Variants in SGK1 observed in about 807,000 individuals in gnomAD.
SGK1 encodes serum/glucocorticoid regulated kinase 1, also known as serine/threonine-protein kinase Sgk1.
In SGK1, 26 loss-of-function variants were observed where a neutral mutation model predicts 64.2. The ratio of observed to expected loss-of-function variants is 0.40; its 90% CI spans 0.30 to 0.56. The LOEUF is 0.56. SGK1 is among the 20% of genes least tolerant of loss of function. The pLI, the probability that SGK1 is intolerant of heterozygous loss-of-function variation, is 0.38. For missense variants in SGK1, 519 were observed against 645.6 expected (o/e 0.80, Z 2.12); for synonymous variants, 265 against 239.7 (o/e 1.11, Z -0.98).
intron 3 of SGK1, among the ~76,000 whole-genome samples, chr6:134,199,758 T>C (rs1743955): frequency 0.52 from 78,167 of 151,748 alleles, 21,346 homozygotes; most frequent in Non-Finnish European, 0.61. Flanking sequence ...CAGTAATGAT[T>C]CTTGCTCTTT....
At position 134,297,816 on chromosome 6, in the gene SGK1, G is replaced by C. The variant is rs930353088; in HGVS notation, c.69+19576C>G. 1.2e-5 allele frequency: 8 copies of C among 665,444 alleles called. No homozygotes were observed. In the East Asian group the frequency reaches 2.2e-4, roughly 18 times the overall value. The allele number at this position is 665,444 out of a possible 1,614,324, so 41.2% of individuals were successfully genotyped here. On this transcript the variant is annotated intron_variant, in intron 1 of 13. Transcript: ENST00000367858. ...GCGCCCGGCCTAGATCTCAGTCTTT[G>C]TATGCTGCAGGTCATCCCCGTGCTT...
At chr6:134,244,123 C>T (rs1256794190) in intron 2 of SGK1, among the ~76,000 whole-genome samples, 1 of 151,986 alleles carries the variant, frequency 6.6e-6, no homozygotes, top group East Asian at 1.9e-4. Flanking sequence ...GCCATCCCTC[C>T]CACCCCACCC....
intron 3 of SGK1, among the ~76,000 whole-genome samples, chr6:134,199,129 G>A (rs1582705075): frequency 6.6e-6 from 1 of 152,076 alleles, no homozygotes; most frequent in South Asian, 2.1e-4. Context: ...ACACAAAGAC[G>A]GAAACAACAG....
intron 13 of SGK1, 145 bp from the exon 14 acceptor site, chr6:134,170,580 T>A: frequency 2.7e-6 from 2 of 752,338 alleles, no homozygotes; most frequent in Non-Finnish European, 2.2e-6. Context: ...CTCAAAAGGC[T>A]ACACACAGTT....
At chr6:134,206,869 G>GA (rs554857623) in intron 3 of SGK1, among the ~76,000 whole-genome samples, 5,303 of 81,570 alleles carry the variant, frequency 0.065, 336 homozygotes, top group African/African-American at 0.18. Context: ...TCCGTCTCCA[G>GA]AAAAAAAAAA....
At chr6:134,302,586 G>A (rs764667858) in intron 1 of SGK1, among the ~76,000 whole-genome samples, 2 of 152,018 alleles carry the variant, frequency 1.3e-5, no homozygotes, top group African/African-American at 2.4e-5. Flanking sequence ...ACAACAAAAC[G>A]TTCAGAAAAG....
At chr6:134,282,925 C>T (rs1056353935) in intron 1 of SGK1, among the ~76,000 whole-genome samples, 9 of 151,690 alleles carry the variant, frequency 5.9e-5, no homozygotes, top group African/African-American at 2.2e-4. Context: ...AGAGATCACA[C>T]TAGAAAGATA....
chr6:134,304,657 G>A (rs1289133374), intron 1 of SGK1, among the ~76,000 whole-genome samples: 2 of 151,784 alleles, frequency 1.3e-5, no homozygotes, highest in Non-Finnish European at 2.9e-5. Context: ...AGCAATCATC[G>A]CACCACTACT....
chr6:134,294,004 C>T (rs1777304224), intron 1 of SGK1, among the ~76,000 whole-genome samples: 1 of 152,104 alleles, frequency 6.6e-6, no homozygotes, highest in Non-Finnish European at 1.5e-5. Flanking sequence ...CACTTTTGCG[C>T]CCACTGACAA....
At chr6:134,242,620 T>C (rs912665703) in intron 2 of SGK1, among the ~76,000 whole-genome samples, 1 of 152,022 alleles carries the variant, frequency 6.6e-6, no homozygotes, top group Admixed American at 6.5e-5. Flanking sequence ...TAAATTTTTT[T>C]AATTTAAATT....
chr6:134,177,091 G>A (rs2114648143), intron 3 of SGK1, among the ~76,000 whole-genome samples: 1 of 152,312 alleles, frequency 6.6e-6, no homozygotes, highest in East Asian at 1.9e-4. Context: ...GCGTGCGCCT[G>A]TAGTCCCAGT....
chr6:134,241,040 C>A, intron 2 of SGK1, among the ~76,000 whole-genome samples: 1 of 131,400 alleles, frequency 7.6e-6, no homozygotes, highest in Admixed American at 7.8e-5. Context: ...TGTTTCTTTT[C>A]TTTTTTTCTT....
In SGK1 at chr6:134,173,107, C is replaced by T; in HGVS notation, c.750G>A (p.Lys250=). 1 of 1,614,052 alleles carries T rather than the reference C, an allele frequency of 6.2e-7. No homozygotes were observed. Among genetic ancestry groups the T allele is most frequent in the Admixed American group, 1.7e-5 (1 of 60,008 alleles). The change falls in exon 8 of 14, where the codon AAG becomes AAA. Residue 250 remains lysine (K), a synonymous_variant. Coordinates refer to ENST00000367858, the MANE Select transcript of SGK1 (RefSeq NM_001143676.3). ...SERNVLLKNV[K]HPFLVGLHFS... ...AGTGAAGGCCCACCAGGAAAGGGTGCTTCACATTCTTCAACAGAACATTCC... is the reference window on the plus strand; with the variant it reads ...AGTGAAGGCCCACCAGGAAAGGGTGTTTCACATTCTTCAACAGAACATTCC...
chr6:134,232,943 G>T (rs143331654), intron 2 of SGK1, among the ~76,000 whole-genome samples: 1 of 151,784 alleles, frequency 6.6e-6, no homozygotes, highest in Admixed American at 6.6e-5. Context: ...TGGGAGTACG[G>T]ATGCTCTTGT....
intron 3 of SGK1, among the ~76,000 whole-genome samples, chr6:134,186,786 C>T (rs116703816): frequency 0.01 from 1,573 of 152,136 alleles, 35 homozygotes; most frequent in African/African-American, 0.036. Flanking sequence ...TAAGGGATCT[C>T]CTGTATTTCA....
At chr6:134,262,476 T>C (rs1338398237) in intron 1 of SGK1, among the ~76,000 whole-genome samples, 4 of 150,196 alleles carry the variant, frequency 2.7e-5, no homozygotes, top group African/African-American at 7.4e-5. Context: ...TTTCACTCTG[T>C]TGCCCAGGCT....
chr6:134,288,919 T>C (rs1777223524), intron 1 of SGK1, among the ~76,000 whole-genome samples: 1 of 152,240 alleles, frequency 6.6e-6, no homozygotes, highest in Non-Finnish European at 1.5e-5. Context: ...AGTTTAGCTA[T>C]AGCAACAGAT....
At chr6:134,216,811 A>G (rs1224372072) in intron 2 of SGK1, among the ~76,000 whole-genome samples, 1 of 152,220 alleles carries the variant, frequency 6.6e-6, no homozygotes, top group Non-Finnish European at 1.5e-5. Context: ...CAGGCTTTTA[A>G]AAACACTGGC....
At chr6:134,283,383 C>T (rs1232344353) in intron 1 of SGK1, among the ~76,000 whole-genome samples, 1 of 151,490 alleles carries the variant, frequency 6.6e-6, no homozygotes, top group Non-Finnish European at 1.5e-5. Context: ...CCCAGTTACT[C>T]AGGAGGCTGA....
Sources: allele counts gnomAD v4.1 joint callset (sites outside exome capture counted in the v4.1 genomes callset), GRCh38; gene constraint gnomAD v4.1.1; transcripts MANE v1.5; gene names NCBI Gene and HGNC (gene_info 2026-07-23, HGNC 2026-07-21).